Variants in GALNT13 observed in about 807,000 individuals in gnomAD.
The protein encoded by GALNT13 is UDP-GalNAc:polypeptide N-acetylgalactosaminyltransferase 13.
In GALNT13, 28 loss-of-function variants were observed where a neutral mutation model predicts 64.2. The ratio of observed to expected loss-of-function variants is 0.44; its 90% CI spans 0.32 to 0.60. The LOEUF (loss-of-function observed/expected upper bound fraction) is 0.60. GALNT13 is among the 20% of genes least tolerant of loss of function. GALNT13 has a pLI of 0.05. For missense variants in GALNT13, 577 were observed against 669.8 expected, an observed-to-expected ratio of 0.86 and a Z score of 1.53; for synonymous variants, 214 against 224.6, an observed-to-expected ratio of 0.95 and a Z score of 0.42.
chr2:153,175,190 C>A, the GALNT13 span, among the ~76,000 whole-genome samples: 1 of 152,048 alleles, frequency 6.6e-6, no homozygotes, highest in Non-Finnish European at 1.5e-5. Context: ...CTCTCCATTC[C>A]TTTACTAAAA....
the GALNT13 span, among the ~76,000 whole-genome samples, chr2:153,699,090 G>A: frequency 6.6e-6 from 1 of 152,070 alleles, no homozygotes. Context: ...CGGTCATGGA[G>A]GTGTGTGCCT....
chr2:154,166,601 A>T (rs1343486000), intron 4 of GALNT13, among the ~76,000 whole-genome samples: 1 of 152,220 alleles, frequency 6.6e-6, no homozygotes, highest in African/African-American at 2.4e-5. Context: ...TAGAAATACC[A>T]TTTGACCTAG....
At chr2:153,835,460 A>C in the GALNT13 span, among the ~76,000 whole-genome samples, 4 of 152,108 alleles carry the variant, frequency 2.6e-5, no homozygotes, top group Non-Finnish European at 5.9e-5. Context: ...AGTAATAAAA[A>C]ATAATTAGAA....
At chr2:153,982,378 T>A (rs949615928) in intron 3 of GALNT13, among the ~76,000 whole-genome samples, 1 of 152,128 alleles carries the variant, frequency 6.6e-6, no homozygotes, top group African/African-American at 2.4e-5. Flanking sequence ...AGGCTATAAA[T>A]GTATACAAAG....
intron 12 of GALNT13, chr2:154,446,431 A>T: frequency 1.1e-6 from 1 of 914,602 alleles, no homozygotes; most frequent in Middle Eastern, 2.5e-4. Flanking sequence ...TGTGGCTCAC[A>T]GCTCCATGGA....
chr2:153,245,084 G>A, the GALNT13 span, among the ~76,000 whole-genome samples: 198 of 152,342 alleles, frequency 1.3e-3, no homozygotes, highest in African/African-American at 4.4e-3. Context: ...TCCTCACTGC[G>A]CAGGGGATCT....
At chr2:153,697,188 A>C in the GALNT13 span, among the ~76,000 whole-genome samples, 1 of 152,174 alleles carries the variant, frequency 6.6e-6, no homozygotes, top group African/African-American at 2.4e-5. Flanking sequence ...CCTCAAAGCT[A>C]GCAGTGGTCT....
the GALNT13 span, among the ~76,000 whole-genome samples, chr2:153,292,369 TG>T: frequency 6.6e-6 from 1 of 152,208 alleles, no homozygotes; most frequent in Admixed American, 6.5e-5. Context: ...TCTTATATGC[TG>T]GGAATCATGT....
the GALNT13 span, among the ~76,000 whole-genome samples, chr2:153,686,268 C>T: frequency 1.3e-5 from 2 of 151,922 alleles, no homozygotes; most frequent in African/African-American, 2.4e-5. Flanking sequence ...TTGATTCTTC[C>T]TATCGAGGAG....
intron 4 of GALNT13, among the ~76,000 whole-genome samples, chr2:154,221,429 G>C (rs569055627): frequency 6.6e-6 from 1 of 151,970 alleles, no homozygotes; most frequent in Non-Finnish European, 1.5e-5. Flanking sequence ...TAATTACATT[G>C]TTTTGTTTTG....
intron 8 of GALNT13, chr2:154,286,808 C>T: frequency 3.0e-6 from 1 of 334,152 alleles, no homozygotes; most frequent in Non-Finnish European, 6.0e-6. Context: ...TGTTCTTGAC[C>T]ATGTAATGTG....
the GALNT13 span, among the ~76,000 whole-genome samples, chr2:153,266,129 G>A: frequency 2.0e-5 from 3 of 152,234 alleles, no homozygotes; most frequent in East Asian, 5.8e-4. Flanking sequence ...TTCACTTTAT[G>A]GTTGTAGTCC....
chr2:153,714,531 A>G, the GALNT13 span, among the ~76,000 whole-genome samples: 4 of 152,336 alleles, frequency 2.6e-5, no homozygotes, highest in South Asian at 8.3e-4. Flanking sequence ...AATTAAATGA[A>G]TATATCATAG....
intron 7 of GALNT13, among the ~76,000 whole-genome samples, chr2:154,247,577 G>A (rs1384593264): frequency 1.3e-5 from 2 of 151,996 alleles, no homozygotes; most frequent in Non-Finnish European, 2.9e-5. Flanking sequence ...GAGGTAGCCA[G>A]CATTCACAGT....
chr2:154,444,148 T>G (rs1303858078), intron 12 of GALNT13, among the ~76,000 whole-genome samples: 1 of 152,066 alleles, frequency 6.6e-6, no homozygotes, highest in Non-Finnish European at 1.5e-5. Flanking sequence ...AAGGCCAGCC[T>G]GGGCAATATA....
the GALNT13 span, among the ~76,000 whole-genome samples, chr2:153,539,334 C>T: frequency 3.8e-4 from 58 of 151,954 alleles, no homozygotes; most frequent in African/African-American, 1.0e-3. Flanking sequence ...TTCTCCCATT[C>T]TGTAGGTTGC....
chr2:153,821,848 T>C, the GALNT13 span, among the ~76,000 whole-genome samples: 1 of 151,808 alleles, frequency 6.6e-6, no homozygotes, highest in South Asian at 2.1e-4. Context: ...AAAGTAACCA[T>C]GAAAAAGAGA....
intron 7 of GALNT13, among the ~76,000 whole-genome samples, chr2:154,255,439 C>G (rs1373811991): frequency 6.6e-6 from 1 of 152,066 alleles, no homozygotes; most frequent in African/African-American, 2.4e-5. Context: ...TAGGATAGAA[C>G]TTAATTCAGC....
At chr2:154,045,785 A>T (rs1699247909) in intron 3 of GALNT13, among the ~76,000 whole-genome samples, 1 of 152,230 alleles carries the variant, frequency 6.6e-6, no homozygotes, top group Non-Finnish European at 1.5e-5. Flanking sequence ...CGAAGCAATA[A>T]CAAACCAACA....
Sources: gnomAD v4.1 joint callset for allele counts (sites outside exome capture counted in the v4.1 genomes callset) on GRCh38, gnomAD v4.1.1 for gene constraint, MANE v1.5 for transcripts, NCBI Gene and HGNC (gene_info 2026-07-23, HGNC 2026-07-21) for gene names.